DSN1: variants seen among roughly 807,000 people sequenced by gnomAD.
DSN1 encodes kinetochore-associated protein DSN1 homolog.
A neutral mutation model predicts 45.7 loss-of-function variants in DSN1; 31 were observed. That is an observed-to-expected ratio of 0.68 (90% CI 0.51 to 0.92). The LOEUF (loss-of-function observed/expected upper bound fraction) is 0.92. Among genes scored for constraint, DSN1 ranks in the 40% least tolerant of loss-of-function variants. The pLI is 0.00. For missense variants in DSN1, 394 were observed against 414.2 expected (o/e 0.95, Z 0.42); for synonymous variants, 134 against 142.3 (o/e 0.94, Z 0.41).
chr20:36,758,265 T>A, intron 7 of DSN1, 104 bp from the exon 8 acceptor site: 1 of 1,128,408 alleles, frequency 8.9e-7, no homozygotes, highest in Non-Finnish European at 1.3e-6. Flanking sequence ...ATGTAAAATG[T>A]GAGTTGACAG....
chr20:36,757,790 A>C (rs911382798), intron 8 of DSN1, among the ~76,000 whole-genome samples: 17 of 152,150 alleles, frequency 1.1e-4, no homozygotes, highest in African/African-American at 4.1e-4. Flanking sequence ...GCCCAACCCC[A>C]GGCTGCCAGA....
At chr20:36,772,069 TG>T (rs1231768459) in intron 1 of DSN1, among the ~76,000 whole-genome samples, 1 of 151,884 alleles carries the variant, frequency 6.6e-6, no homozygotes, top group Non-Finnish European at 1.5e-5. Context: ...TTAGTAGAGA[TG>T]GGGTTTCCCC....
chr20:36,762,432 AT>A, intron 6 of DSN1, 28 bp downstream of exon 6: 1 of 1,603,098 alleles, frequency 6.2e-7, no homozygotes, highest in Non-Finnish European at 8.5e-7. Flanking sequence ...TTCAATCATA[AT>A]TTAGGACAGA....
At chr20:36,753,072 G>A (rs1986459458) in intron 10 of DSN1, among the ~76,000 whole-genome samples, 175 bp from the exon 11 acceptor site, 1 of 152,056 alleles carries the variant, frequency 6.6e-6, no homozygotes, top group African/African-American at 2.4e-5. Context: ...AGCTGGGCAT[G>A]GTGGCTCACG....
chr20:36,767,900 TA>T, intron 4 of DSN1, 68 bp downstream of exon 4: 1 of 1,528,002 alleles, frequency 6.5e-7, no homozygotes, highest in South Asian at 1.1e-5. Flanking sequence ...AGGCTCCATC[TA>T]AAAACAAAAG....
intron 8 of DSN1, 40 bp downstream of exon 8, chr20:36,758,047 A>C (rs748780611): frequency 1.1e-5 from 17 of 1,569,964 alleles, no homozygotes; most frequent in Non-Finnish European, 1.5e-5. Flanking sequence ...ATCAAACTCC[A>C]TAAGATTTTT....
chr20:36,752,958 A>C, intron 10 of DSN1, 61 bp from the exon 11 acceptor site: 1 of 1,379,406 alleles, frequency 7.2e-7, no homozygotes, highest in Non-Finnish European at 1.0e-6. Context: ...TTTATTGAAA[A>C]CTTAATGTAG....
chr20:36,755,604 C>T, intron 9 of DSN1, 78 bp downstream of exon 9: 1 of 1,521,998 alleles, frequency 6.6e-7, no homozygotes, highest in Non-Finnish European at 8.9e-7. Context: ...TTATACATTT[C>T]TCCAGGTCTT....
At position 36,758,618 on chromosome 20, in the gene DSN1, C is replaced by A. The variant is rs1986803878; in HGVS notation, c.591-1G>T. On this transcript the variant is annotated splice_acceptor_variant, in intron 6 of 10. Coordinates refer to ENST00000373750, the MANE Select transcript of DSN1 (RefSeq NM_001145315.2). LOFTEE classifies it high-confidence loss of function. ...TTCCAAAGAAAAATCTGATGCTTTT[C>A]TGGAAAACAGATAGGATTATGACAT... 1.2e-6 allele frequency: 2 copies of A among 1,610,702 alleles called. No individual in the cohort carries two copies. The highest frequency in any genetic ancestry group is 4.5e-5 in the East Asian group (2 of 44,782).
chr20:36,761,461 TG>T (rs761664511), intron 6 of DSN1, among the ~76,000 whole-genome samples: 10 of 152,290 alleles, frequency 6.6e-5, no homozygotes, highest in Non-Finnish European at 1.2e-4. Context: ...CCGCTGGGTG[TG>T]GGGGCTCATG....
At position 36,754,801 on chromosome 20, in the gene DSN1, T is replaced by G; in HGVS notation, c.923A>C (p.Glu308Ala). 1 of 1,613,934 alleles carries G rather than the reference T, an allele frequency of 6.2e-7. No homozygotes were observed. Among genetic ancestry groups the G allele is most frequent in the Non-Finnish European group, 8.5e-7 (1 of 1,179,880 alleles). ...CACCTTCTGGAAGCACTGGGTACTTTCATCCATAAAGGCCTGCAGCTGTTT... is the reference window on the plus strand; with the variant it reads ...CACCTTCTGGAAGCACTGGGTACTTGCATCCATAAAGGCCTGCAGCTGTTT... ...SVKQLQAFMD[E>A]STQCFQKVSV... The change falls in exon 10 of 11, where the codon GAA (glutamate) becomes GCA (alanine). Residue 308 changes from glutamate to alanine, a missense_variant. By Grantham distance (107) the Glu-to-Ala change is moderately radical (BLOSUM62 -1). Transcript: ENST00000373750.
intron 1 of DSN1, among the ~76,000 whole-genome samples, 169 bp from the exon 2 acceptor site, chr20:36,771,642 A>G (rs1987658738): frequency 6.6e-6 from 1 of 152,228 alleles, no homozygotes; most frequent in South Asian, 2.1e-4. Context: ...CCTCTTCTGA[A>G]TTTCTATACA....
intron 3 of DSN1, among the ~76,000 whole-genome samples, chr20:36,769,769 C>G (rs971273513): frequency 6.6e-6 from 1 of 151,968 alleles, no homozygotes; most frequent in African/African-American, 2.4e-5. Flanking sequence ...GTATAGTCTT[C>G]CTGAAATATG....
At chr20:36,768,833 C>A (rs972667435) in intron 3 of DSN1, among the ~76,000 whole-genome samples, 1 of 152,154 alleles carries the variant, frequency 6.6e-6, no homozygotes. Context: ...AACTGGAAAT[C>A]GGTGGAGCCA....
Position 36,771,114 on chromosome 20 carries a change from T to C in DSN1, c.114A>G (p.Thr38=). ...CTTGATTCATCTCCAGGGAGGCAGA[T>C]GTTTTAGCAAACACTTCCACAGGAC... ...SLSPVEVFAK[T]SASLEMNQGV... The change falls in exon 3 of 11, where the codon ACA becomes ACG. Residue 38 remains threonine, a synonymous_variant. Transcript: ENST00000373750. The C allele has an allele frequency of 1.2e-6, 2 of 1,614,224 alleles. No individual in the cohort carries two copies. The highest frequency in any genetic ancestry group is 1.7e-6 in the Non-Finnish European group (2 of 1,180,048).
intron 1 of DSN1, among the ~76,000 whole-genome samples, chr20:36,772,586 G>A (rs1987710419): frequency 2.0e-5 from 3 of 152,138 alleles, no homozygotes; most frequent in Admixed American, 6.5e-5. Flanking sequence ...CACCACACCC[G>A]GCCCAGTCTA....
At chr20:36,769,253 C>T (rs187208547) in intron 3 of DSN1, among the ~76,000 whole-genome samples, 13 of 152,322 alleles carry the variant, frequency 8.5e-5, no homozygotes, top group African/African-American at 2.9e-4. Flanking sequence ...AGCTACATGT[C>T]TTTTTGCCCT....
intron 10 of DSN1, among the ~76,000 whole-genome samples, chr20:36,753,907 G>A (rs1986522329): frequency 6.6e-6 from 1 of 151,832 alleles, no homozygotes; most frequent in Non-Finnish European, 1.5e-5. Flanking sequence ...TCGGGAGGCT[G>A]AGGCAGAAGA....
At chr20:36,773,498 C>A (rs899924273) in intron 1 of DSN1, 164 bp downstream of exon 1, 1 of 985,718 alleles carries the variant, frequency 1.0e-6, no homozygotes, top group Non-Finnish European at 1.2e-6. Flanking sequence ...GAGGTCGCAG[C>A]GCCCTCGGGG....
Sources: gnomAD v4.1 joint callset for allele counts (sites outside exome capture counted in the v4.1 genomes callset) on GRCh38, gnomAD v4.1.1 for gene constraint, MANE v1.5 for transcripts, NCBI Gene and HGNC (gene_info 2026-07-23, HGNC 2026-07-21) for gene names.